Variants in SPTBN5 observed in about 807,000 individuals in gnomAD.
The protein encoded by SPTBN5 is spectrin beta, non-erythrocytic 5.
In SPTBN5, 513 loss-of-function variants were observed where a neutral mutation model predicts 477.6. The ratio of observed to expected loss-of-function variants is 1.07; its 90% confidence interval spans 1.00 to 1.16. The LOEUF (loss-of-function observed/expected upper bound fraction) is 1.16. Among genes scored for constraint, SPTBN5 ranks in the 50% most tolerant of loss-of-function variants. The pLI is 0.00. For missense variants in SPTBN5, 5,062 were observed against 4,731.8 expected, an observed-to-expected ratio of 1.07 and a Z score of -2.05; for synonymous variants, 2,169 against 2,011.7, an observed-to-expected ratio of 1.08 and a Z score of -2.09.
rs2066719963 is a variant in SPTBN5 at position 41,876,185 on chromosome 15, T to C, written c.4051A>G (p.Thr1351Ala). Residue 1351 changes from threonine (T) to alanine (A), a missense_variant, in exon 21 of 68, where the codon ACA becomes GCA. By Grantham distance (58) the Thr-to-Ala change is moderately conservative. Coordinates refer to ENST00000320955, the MANE Select transcript of SPTBN5 (RefSeq NM_016642.4). ...PSGARRNILQTLKRHEAAESE... is the reference protein window; with the variant it reads ...PSGARRNILQALKRHEAAESE... ...TCAGCTGCTTCGTGCCGCTTGAGTG[T>C]CTGCAGGATGTTTCTGCGCGCTCCG... The C allele has an allele frequency of 1.9e-6, 3 of 1,606,330 alleles. No individual in the cohort carries two copies. Among genetic ancestry groups the C allele is most frequent in the East Asian group, 2.2e-5 (1 of 44,868 alleles).
intron 4 of SPTBN5, among the ~76,000 whole-genome samples, chr15:41,888,953 C>T (rs2067233535): frequency 6.6e-6 from 1 of 152,216 alleles, no homozygotes; most frequent in Non-Finnish European, 1.5e-5. Context: ...GCAGACGGAA[C>T]TAAGGAAAAT....
At position 41,870,566 on chromosome 15, in the gene SPTBN5, C is replaced by T; in HGVS notation, c.5448-6G>A. 6.2e-7 allele frequency: 1 copy of T among 1,603,990 alleles called. No homozygotes were observed. The highest frequency in any genetic ancestry group is 8.5e-7 in the Non-Finnish European group (1 of 1,178,736). The stretch of plus-strand genomic sequence containing the variant: ...ACAGCTCCGACCAGGCGGTCCTGCC[C>T]ACGGCGTGTGGAAGACCAGCCGGGG... On this transcript the variant is annotated splice_polypyrimidine_tract_variant and splice_region_variant and intron_variant, in intron 29 of 67. Transcript: ENST00000320955.
intron 47 of SPTBN5, 80 bp downstream of exon 47, chr15:41,860,506 G>A: frequency 7.7e-7 from 1 of 1,301,926 alleles, no homozygotes; most frequent in Non-Finnish European, 9.9e-7. Context: ...AGTAGTGGAA[G>A]GGTGGGAAGG....
At chr15:41,887,618 G>A (rs2067196291) in intron 5 of SPTBN5, among the ~76,000 whole-genome samples, 177 bp from the exon 6 acceptor site, 1 of 152,202 alleles carries the variant, frequency 6.6e-6, no homozygotes, top group African/African-American at 2.4e-5. Flanking sequence ...AAAGAGGAGA[G>A]TTCATTCGGC....
intron 3 of SPTBN5, 145 bp from the exon 4 acceptor site, chr15:41,890,350 G>T: frequency 1.5e-6 from 1 of 645,762 alleles, no homozygotes. Context: ...GGAGAAGCAG[G>T]CAGGGGATAA....
In SPTBN5 at chr15:41,893,603, G is replaced by C. The variant is rs369894324; in HGVS notation, c.-49-57C>G. On this transcript the variant is annotated intron_variant, in intron 1 of 67. Coordinates refer to ENST00000320955, the MANE Select transcript of SPTBN5 (RefSeq NM_016642.4). ...AATGGAGATGGCCCCTCTACCAGGG[G>C]CCTGGGGTCCCGCCTTGCCAGACTG... 26 of 1,469,412 alleles carry C rather than the reference G, an allele frequency of 1.8e-5. No homozygotes were observed. In the African/African-American group the frequency reaches 2.7e-4, roughly 15 times the overall value. 91.0% of individuals were successfully genotyped at this position (1,469,412 alleles called of 1,614,324 possible).
chr15:41,850,668 A>G (rs1267471127), intron 66 of SPTBN5, 186 bp downstream of exon 66: 4 of 602,008 alleles, frequency 6.6e-6, no homozygotes, highest in Non-Finnish European at 8.7e-6. Flanking sequence ...TAGCTGTGTG[A>G]TCTTGGGCAA....
In SPTBN5 at chr15:41,879,464, G is replaced by T; in HGVS notation, c.2978C>A (p.Ala993Asp). 1 of 1,592,702 alleles carries T rather than the reference G, an allele frequency of 6.3e-7. No homozygotes were observed. The highest frequency in any genetic ancestry group is 8.5e-7 in the Non-Finnish European group (1 of 1,171,604). ...GQLEALKREK[A>D]VQLAHSVEVC... ...TTCCACACTGTGTGCCAGCTGCACG[G>T]CCTTCTCCCTCTTCAGGGCCTCCAG... Residue 993 changes from alanine to aspartate, a missense_variant, in exon 16 of 68, where the codon GCC (alanine) becomes GAC (aspartate). Coordinates refer to ENST00000320955, the MANE Select transcript of SPTBN5 (RefSeq NM_016642.4).
rs1295261000 is a variant in SPTBN5, at chr15:41,881,933, C to T, written c.2457+3G>A. 1 of 1,528,406 alleles carries T rather than the reference C, an allele frequency of 6.5e-7. No individual in the cohort carries two copies. The highest frequency in any genetic ancestry group is 8.7e-7 in the Non-Finnish European group (1 of 1,146,472). The allele number at this position is 1,528,406 out of a possible 1,614,324, so 94.7% of individuals were successfully genotyped here. ...AGGCGCCCTTCCCTGTCCCCGTCCT[C>T]ACCGTGAATAACGACGCCCGGGCCG... is the stretch of plus-strand genomic sequence containing the variant. On this transcript the variant is annotated splice_donor_region_variant and intron_variant, in intron 12 of 67. Transcript: ENST00000320955.
Position 41,890,189 on chromosome 15 carries a change from A to G in SPTBN5, c.401T>C (p.Ile134Thr), listed in dbSNP as rs781197492. ...FLRAKVPVPL[I>T]GPENIVDGDQ... ...TCCGTCCACGATGTTCTCTGGCCCG[A>G]TGAGTGGTACTGGCACCTGTGGGCA... Residue 134 changes from isoleucine (I) to threonine (T), a missense_variant, in exon 4 of 68, where the codon ATC becomes ACC. Ile to Thr is a moderately conservative substitution (Grantham distance 89, BLOSUM62 -1). Transcript: ENST00000320955. 6.2e-7 allele frequency: 1 copy of G among 1,611,990 alleles called. No homozygotes were observed.
At position 41,878,380 on chromosome 15, in the gene SPTBN5, G is replaced by T. The variant is rs747779; in HGVS notation, c.3432C>A (p.His1144Gln). The T allele has an allele frequency of 8.1e-6, 13 of 1,613,456 alleles. No homozygotes were observed. Among genetic ancestry groups the T allele is most frequent in the African/African-American group, 1.3e-5 (1 of 74,888 alleles). ...VASAQRLLRE[H>Q]QDLLEEIHLW... is the part of the protein sequence containing the mutation. ...GGTGGATCTCCTCCAGCAGGTCTTG[G>T]TGCTCCCTCAGCAGCCGCTGAGCCG... is the stretch of plus-strand genomic sequence containing the variant. The change falls in exon 17 of 68, where the codon CAC becomes CAA. Residue 1144 changes from histidine to glutamine, a missense_variant. By Grantham distance (24) the His-to-Gln change is conservative (BLOSUM62 0). Coordinates refer to ENST00000320955, the MANE Select transcript of SPTBN5 (RefSeq NM_016642.4).
At chr15:41,873,454 C>A in intron 26 of SPTBN5, 38 bp downstream of exon 26, 5 of 1,471,904 alleles carry the variant, frequency 3.4e-6, no homozygotes, top group Non-Finnish European at 4.7e-6. Context: ...TCCATCATCA[C>A]CCAGACCACA....
Position 41,857,512 on chromosome 15 carries a change from G to A in SPTBN5, c.8365-18C>T. 6.2e-7 allele frequency: 1 copy of A among 1,602,960 alleles called. No individual in the cohort carries two copies. On this transcript the variant is annotated intron_variant, in intron 50 of 67. Transcript: ENST00000320955. Reference sequence around the variant, plus strand: ...CGCAGGGCCTAGGGTAGAAAGTGAGGTAGGCAGGAGGGGAGTGTCCTGGAG... The same window carrying A: ...CGCAGGGCCTAGGGTAGAAAGTGAGATAGGCAGGAGGGGAGTGTCCTGGAG...
Position 41,857,000 on chromosome 15 carries a change from C to T in SPTBN5, c.8661G>A (p.Thr2887=), listed in dbSNP as rs377516465. The change falls in exon 52 of 68, where the codon ACG becomes ACA. Residue 2887 remains threonine (T), a synonymous_variant. Coordinates refer to ENST00000320955, the MANE Select transcript of SPTBN5 (RefSeq NM_016642.4). ...SLREPLQERR[T]ALEARSLLLK... is the part of the protein sequence containing the mutation. The stretch of plus-strand genomic sequence containing the variant: ...AGAGGAGGCTCCGGGCCTCCAGGGC[C>T]GTCCTGCGCTCCTGCAGGGGCTCCC... 46 of 1,604,762 alleles carry T rather than the reference C, an allele frequency of 2.9e-5. No individual in the cohort carries two copies. The highest frequency in any genetic ancestry group is 2.0e-4 in the East Asian group (9 of 44,484).
rs749524536 is a variant in SPTBN5, at chr15:41,882,123, G to A, written c.2270C>T (p.Ala757Val). 5.7e-6 allele frequency: 9 copies of A among 1,572,594 alleles called. No homozygotes were observed. In the East Asian group the frequency reaches 1.4e-4, roughly 25 times the overall value. ...TCGCCGCTCGCGCAGCCACGAAGCC[G>A]CCTCCGCCGCGTCCGCGAAGTACTG... is the stretch of plus-strand genomic sequence containing the variant. ...VLQYFADAAE[A>V]ASWLRERRSS... Residue 757 changes from alanine (A) to valine (V), a missense_variant, in exon 12 of 68, where the codon GCG becomes GTG. By Grantham distance (64) the Ala-to-Val change is moderately conservative. Transcript: ENST00000320955.
Position 41,867,094 on chromosome 15 carries a change from G to A in SPTBN5, c.6345C>T (p.Leu2115=), listed in dbSNP as rs1460321906. Residue 2115 remains leucine, a synonymous_variant, in exon 36 of 68, where the codon CTC becomes CTT. Coordinates refer to ENST00000320955, the MANE Select transcript of SPTBN5 (RefSeq NM_016642.4). The stretch of plus-strand genomic sequence containing the variant: ...GCCGGTCCCGCACCCGGGGGCGCCG[G>A]AGCGTCTTCAGCCGCTCACGCAGGG... ...EAALRERLKT[L]RRPRVRDRLP... 6.5e-7 allele frequency: 1 copy of A among 1,542,942 alleles called. No homozygotes were observed. The highest frequency in any genetic ancestry group is 8.7e-7 in the Non-Finnish European group (1 of 1,146,594).
intron 32 of SPTBN5, among the ~76,000 whole-genome samples, 183 bp from the exon 33 acceptor site, chr15:41,868,784 G>A (rs532883839): frequency 3.3e-5 from 5 of 152,288 alleles, no homozygotes; most frequent in Admixed American, 2.0e-4. Context: ...CATCCAACCC[G>A]ATCCTCCCAG....
In SPTBN5 at chr15:41,882,145, A is replaced by G; in HGVS notation, c.2248T>C (p.Tyr750His). ...RLQTALLVLQ[Y>H]FADAAEAASW... ...GCCGCCTCCGCCGCGTCCGCGAAGTACTGTGGGAGGGGGTCGGGGGTGGTG... is the reference window on the plus strand; with the variant it reads ...GCCGCCTCCGCCGCGTCCGCGAAGTGCTGTGGGAGGGGGTCGGGGGTGGTG... Residue 750 changes from tyrosine (Y) to histidine (H), a missense_variant and splice_region_variant, in exon 12 of 68, where the codon TAC (tyrosine) becomes CAC (histidine). Physicochemically the swap from Tyr to His is moderately conservative, Grantham distance 83 (BLOSUM62 2). Coordinates refer to ENST00000320955, the MANE Select transcript of SPTBN5 (RefSeq NM_016642.4). 6.4e-7 allele frequency: 1 copy of G among 1,571,256 alleles called. No individual in the cohort carries two copies. The highest frequency in any genetic ancestry group is 8.6e-7 in the Non-Finnish European group (1 of 1,169,368).
At chr15:41,859,191 C>G (rs2066020722) in intron 47 of SPTBN5, among the ~76,000 whole-genome samples, 1 of 141,654 alleles carries the variant, frequency 7.1e-6, no homozygotes. Context: ...CAGAGTCTCA[C>G]TCTGTCACCC....
Sources: allele counts gnomAD v4.1 joint callset (sites outside exome capture counted in the v4.1 genomes callset), GRCh38; gene constraint gnomAD v4.1.1; transcripts MANE v1.5; gene names NCBI Gene and HGNC (gene_info 2026-07-23, HGNC 2026-07-21).